Variants in GALNTL6 observed in about 807,000 individuals in gnomAD.
GALNTL6 encodes polypeptide N-acetylgalactosaminyltransferase like 6.
GALNTL6 carries 46 observed loss-of-function variants against 73.7 expected under a neutral mutation model. The observed-to-expected ratio is 0.62, with a 90% CI of 0.49 to 0.80. GALNTL6 has a LOEUF of 0.80. Among genes scored for constraint, GALNTL6 ranks in the 30% least tolerant of loss-of-function variants. GALNTL6 has a pLI of 0.00. For synonymous variants in GALNTL6, 259 were observed against 263.7 expected, an observed-to-expected ratio of 0.98 and a Z score of 0.17; for missense variants, 604 against 755.0, an observed-to-expected ratio of 0.80 and a Z score of 2.34.
At chr4:172,579,133 G>A (rs1056317038) in intron 5 of GALNTL6, among the ~76,000 whole-genome samples, 13 of 152,082 alleles carry the variant, frequency 8.5e-5, no homozygotes, top group South Asian at 2.1e-4. Flanking sequence ...ATCAAATTAC[G>A]TACTATGCAG....
At position 172,487,358 on chromosome 4, in the gene GALNTL6, C is replaced by CTTT. The variant is rs202020229; in HGVS notation, c.553+138669_553+138670insTTT. On this transcript the variant is annotated intron_variant, in intron 5 of 12. Transcript: ENST00000506823. ...TCTTTCTTTCTTTCTTTCTTTCTTT[C>CTTT]CTTCTTTCCTTCTTTTCTTTTCTTT... Among the ~76,000 whole-genome samples the CTTT allele has an allele frequency of 5.6e-4, 55 of 98,604 alleles. No homozygotes were observed. The East Asian group carries it at 0.011, about 20-fold the overall frequency. 64.7% of individuals were successfully genotyped at this position (98,604 alleles called of 152,430 possible).
chr4:172,806,831 C>T (rs568712498), intron 5 of GALNTL6, among the ~76,000 whole-genome samples: 55 of 152,122 alleles, frequency 3.6e-4, no homozygotes, highest in African/African-American at 1.3e-3. Context: ...TCCAAAAAAC[C>T]GATTTACAAT....
At chr4:172,837,800 G>A (rs1742992347) in intron 7 of GALNTL6, among the ~76,000 whole-genome samples, 1 of 152,178 alleles carries the variant, frequency 6.6e-6, no homozygotes, top group Non-Finnish European at 1.5e-5. Context: ...ACAATTCACT[G>A]ATTGAATAAT....
chr4:172,528,774 T>C (rs1336409419), intron 5 of GALNTL6, among the ~76,000 whole-genome samples: 3 of 150,814 alleles, frequency 2.0e-5, no homozygotes, highest in African/African-American at 7.3e-5. Context: ...TTTTGTTTCA[T>C]AAGATTATTG....
intron 5 of GALNTL6, among the ~76,000 whole-genome samples, chr4:172,611,241 A>T (rs1390367536): frequency 6.6e-6 from 1 of 152,032 alleles, no homozygotes; most frequent in African/African-American, 2.4e-5. Context: ...GCTGGTTATA[A>T]TGCAGACTTG....
At chr4:172,767,755 C>T (rs1362777898) in intron 5 of GALNTL6, among the ~76,000 whole-genome samples, 1 of 146,430 alleles carries the variant, frequency 6.8e-6, no homozygotes, top group African/African-American at 2.5e-5. Context: ...CTGCAACTTC[C>T]ACCTCCCAGG....
At chr4:172,004,746 G>A (rs998895692) in intron 2 of GALNTL6, among the ~76,000 whole-genome samples, 2 of 81,822 alleles carry the variant, frequency 2.4e-5, no homozygotes, top group Non-Finnish European at 4.9e-5. Context: ...GCAGAGATAT[G>A]AAAAGAAAAT....
intron 2 of GALNTL6, among the ~76,000 whole-genome samples, chr4:171,884,053 T>C (rs1736541188): frequency 6.6e-6 from 1 of 152,222 alleles, no homozygotes; most frequent in Non-Finnish European, 1.5e-5. Context: ...TCTGTTATAG[T>C]AACATATTTT....
At chr4:172,158,011 G>A (rs1734337654) in intron 2 of GALNTL6, among the ~76,000 whole-genome samples, 1 of 152,150 alleles carries the variant, frequency 6.6e-6, no homozygotes, top group African/African-American at 2.4e-5. Context: ...AACAGATGGA[G>A]GAATGATCTT....
intron 2 of GALNTL6, among the ~76,000 whole-genome samples, chr4:171,901,512 C>T (rs1396858920): frequency 6.6e-6 from 1 of 152,120 alleles, no homozygotes; most frequent in African/African-American, 2.4e-5. Context: ...TCCTCCCCCA[C>T]TCCCCTTCCT....
intron 2 of GALNTL6, among the ~76,000 whole-genome samples, chr4:172,141,988 TGAAA>T (rs1419785692): frequency 4.0e-5 from 6 of 151,848 alleles, no homozygotes; most frequent in Admixed American, 6.6e-5. Flanking sequence ...ATAGATTTGC[TGAAA>T]GAATCAGTGT....
chr4:172,641,449 C>T (rs1377510822), intron 5 of GALNTL6, among the ~76,000 whole-genome samples: 1 of 152,092 alleles, frequency 6.6e-6, no homozygotes, highest in Non-Finnish European at 1.5e-5. Context: ...TTCAGCCAAA[C>T]TGACCTCCTC....
intron 5 of GALNTL6, among the ~76,000 whole-genome samples, chr4:172,421,871 A>T (rs1016639283): frequency 4.6e-5 from 7 of 152,082 alleles, no homozygotes; most frequent in Non-Finnish European, 1.0e-4. Flanking sequence ...TTATAAATTC[A>T]TTCTTTGTTG....
At chr4:172,437,711 A>C (rs985867542) in intron 5 of GALNTL6, among the ~76,000 whole-genome samples, 2 of 152,118 alleles carry the variant, frequency 1.3e-5, no homozygotes, top group African/African-American at 2.4e-5. Context: ...TCTGAATAGC[A>C]TGTAATAATC....
chr4:172,083,592 G>A (rs34986280), intron 2 of GALNTL6, among the ~76,000 whole-genome samples: 45,008 of 152,076 alleles, frequency 0.3, 7,739 homozygotes, highest in East Asian at 0.5. Context: ...TCTGCTCAAA[G>A]GTCATCTTAT....
chr4:172,211,277 A>G (rs578221936), intron 2 of GALNTL6, among the ~76,000 whole-genome samples: 1 of 152,190 alleles, frequency 6.6e-6, no homozygotes, highest in African/African-American at 2.4e-5. Flanking sequence ...AGATGTGTTC[A>G]CTAGTTCTGG....
chr4:172,666,574 T>G (rs751270983), intron 5 of GALNTL6, among the ~76,000 whole-genome samples: 49 of 152,146 alleles, frequency 3.2e-4, no homozygotes, highest in Non-Finnish European at 6.0e-4. Context: ...TTGGACTAAT[T>G]CCACCCTTGT....
chr4:172,310,529 C>T (rs1740317107), intron 3 of GALNTL6, among the ~76,000 whole-genome samples: 1 of 152,008 alleles, frequency 6.6e-6, no homozygotes, highest in Non-Finnish European at 1.5e-5. Flanking sequence ...CCTTGACCTC[C>T]CAAAGTGCTG....
intron 5 of GALNTL6, among the ~76,000 whole-genome samples, chr4:172,796,217 A>G (rs1740254648): frequency 6.6e-6 from 1 of 152,038 alleles, no homozygotes; most frequent in African/African-American, 2.4e-5. Flanking sequence ...CCTGATGAAT[A>G]CATTTGGGTT....
Sources: allele counts gnomAD v4.1 joint callset (sites outside exome capture counted in the v4.1 genomes callset), GRCh38; gene constraint gnomAD v4.1.1; transcripts MANE v1.5; gene names NCBI Gene and HGNC (gene_info 2026-07-23, HGNC 2026-07-21).